RELN: variants seen among roughly 807,000 people sequenced by gnomAD.
RELN encodes the protein reelin.
Under a neutral mutation model 427.6 loss-of-function variants are expected in RELN, and 108 were observed. That is an observed-to-expected ratio of 0.25 (90% CI 0.22 to 0.30). The LOEUF is 0.30. Among genes scored for constraint, RELN ranks in the 10% least tolerant of loss-of-function variants. The pLI, the probability that RELN is intolerant of heterozygous loss-of-function variation, is 1.00. For missense variants in RELN, 3,715 were observed against 4,302.8 expected, an observed-to-expected ratio of 0.86 and a Z score of 3.82; for synonymous variants, 1,524 against 1,513.4, an observed-to-expected ratio of 1.01 and a Z score of -0.16.
chr7:103,478,771 A>G (rs1362131937), intron 63 of RELN, among the ~76,000 whole-genome samples: 1 of 152,188 alleles, frequency 6.6e-6, no homozygotes, highest in African/African-American at 2.4e-5. Flanking sequence ...ATTCCTGAAT[A>G]TATTAAGGAA....
At chr7:103,514,741 C>A (rs1374403516) in intron 50 of RELN, among the ~76,000 whole-genome samples, 1 of 152,156 alleles carries the variant, frequency 6.6e-6, no homozygotes, top group African/African-American at 2.4e-5. Context: ...GGGTAACAAG[C>A]AAGACCTGGG....
intron 36 of RELN, among the ~76,000 whole-genome samples, chr7:103,559,318 A>G (rs952202367): frequency 6.6e-6 from 1 of 152,194 alleles, no homozygotes; most frequent in Non-Finnish European, 1.5e-5. Flanking sequence ...CCAAATGTAG[A>G]ATTTGAGAAT....
intron 2 of RELN, among the ~76,000 whole-genome samples, chr7:103,888,558 C>G (rs1015286477): frequency 5.3e-5 from 8 of 152,150 alleles, no homozygotes; most frequent in African/African-American, 1.9e-4. Context: ...TTCTAAGGAC[C>G]ATTTATTTAG....
In RELN at chr7:103,490,824, T is replaced by C. The variant is rs748922033; in HGVS notation, c.9449A>G (p.Asp3150Gly). The stretch of plus-strand genomic sequence containing the variant: ...CTGGGTCTGTACGAGCTGCCAGGAA[T>C]CCGATCTGCAGAAACCAAAAGGCTT... ...MLEYTKDARS[D>G]SWQLVQTQCL... Residue 3150 changes from aspartate (D) to glycine (G), a missense_variant, in exon 59 of 65, where the codon GAT (aspartate) becomes GGT (glycine). Asp to Gly is a moderately conservative substitution (Grantham distance 94). Around this residue, in one of 4 missense-constraint regions of RELN, gnomAD observed 1,310 missense variants for 1,643.0 expected, o/e 0.80. Coordinates refer to ENST00000428762, the MANE Select transcript of RELN (RefSeq NM_005045.4). The C allele has an allele frequency of 6.2e-7, 1 of 1,614,156 alleles. No individual in the cohort carries two copies.
chr7:103,590,480 A>T (rs1831384473), intron 27 of RELN, among the ~76,000 whole-genome samples: 1 of 152,014 alleles, frequency 6.6e-6, no homozygotes, highest in African/African-American at 2.4e-5. Flanking sequence ...GAATTGCTTG[A>T]ACCTGGGAGG....
At chr7:103,756,800 T>C (rs1179540260) in intron 4 of RELN, among the ~76,000 whole-genome samples, 1 of 152,214 alleles carries the variant, frequency 6.6e-6, no homozygotes, top group Admixed American at 6.5e-5. Context: ...CTGAGATAAC[T>C]AAACATTATT....
intron 11 of RELN, among the ~76,000 whole-genome samples, chr7:103,668,451 A>C (rs189046871): frequency 2.5e-3 from 384 of 152,270 alleles, no homozygotes; most frequent in Admixed American, 6.9e-3. Flanking sequence ...TGGGACACAC[A>C]AGGGTAAGTG....
intron 2 of RELN, among the ~76,000 whole-genome samples, chr7:103,885,221 C>G (rs967448426): frequency 7.9e-5 from 12 of 152,026 alleles, no homozygotes; most frequent in African/African-American, 2.9e-4. Context: ...TGCCTGTAGT[C>G]CCAGCTACTT....
intron 16 of RELN, among the ~76,000 whole-genome samples, chr7:103,648,487 T>C (rs980520777): frequency 4.0e-4 from 61 of 152,162 alleles, no homozygotes; most frequent in African/African-American, 1.4e-3. Flanking sequence ...AATGGATTAA[T>C]ATAGAAAATC....
chr7:103,958,216 G>A (rs1251023130), intron 1 of RELN, among the ~76,000 whole-genome samples: 1 of 152,134 alleles, frequency 6.6e-6, no homozygotes, highest in Admixed American at 6.5e-5. Context: ...CCCTTTCCTG[G>A]CAACATATGG....
chr7:103,895,983 A>G (rs1312006782), intron 2 of RELN, among the ~76,000 whole-genome samples: 1 of 152,118 alleles, frequency 6.6e-6, no homozygotes, highest in Non-Finnish European at 1.5e-5. Context: ...ACAAACTACT[A>G]TTACTCAATA....
At chr7:103,775,862 A>G (rs1791725140) in intron 4 of RELN, among the ~76,000 whole-genome samples, 1 of 152,212 alleles carries the variant, frequency 6.6e-6, no homozygotes, top group Non-Finnish European at 1.5e-5. Flanking sequence ...TGAGAAGCTC[A>G]GTCTCTCTAG....
chr7:103,848,436 GC>G (rs1793733684), intron 2 of RELN, among the ~76,000 whole-genome samples: 1 of 152,174 alleles, frequency 6.6e-6, no homozygotes, highest in African/African-American at 2.4e-5. Context: ...GTGTTGCCCA[GC>G]AAAGAGTCAT....
rs779942561 is a variant in RELN at position 103,482,830 on chromosome 7, C to T, written c.10280+43G>A. On this transcript the variant is annotated intron_variant, in intron 63 of 64. Transcript: ENST00000428762. ...CATGCTATATCAAAGGAATTTCAAA[C>T]CTTCCTGAAATGGACATGGGATGCC... 51 of 1,613,774 alleles carry T rather than the reference C, an allele frequency of 3.2e-5. No homozygotes were observed. In the Admixed American group the frequency reaches 8.5e-4, roughly 27 times the overall value.
intron 19 of RELN, among the ~76,000 whole-genome samples, chr7:103,634,395 T>C (rs1342134465): frequency 1.3e-5 from 2 of 152,202 alleles, no homozygotes; most frequent in Non-Finnish European, 2.9e-5. Context: ...TCCCTTGATA[T>C]TTTTAAAGGA....
intron 3 of RELN, among the ~76,000 whole-genome samples, chr7:103,821,745 G>A (rs1161830066): frequency 6.6e-6 from 1 of 152,086 alleles, no homozygotes; most frequent in African/African-American, 2.4e-5. Flanking sequence ...GGTTGATTAA[G>A]GGACCTACCA....
At chr7:103,602,603 TTC>T (rs772616744) in intron 24 of RELN, among the ~76,000 whole-genome samples, 1 of 152,100 alleles carries the variant, frequency 6.6e-6, no homozygotes, top group Non-Finnish European at 1.5e-5. Context: ...ACACCACATG[TTC>T]TCACTCATAA....
At chr7:103,685,898 C>T (rs1187609151) in intron 10 of RELN, among the ~76,000 whole-genome samples, 1 of 152,126 alleles carries the variant, frequency 6.6e-6, no homozygotes, top group East Asian at 1.9e-4. Context: ...AAGTCCTTGG[C>T]CACAACTCAG....
Position 103,486,426 on chromosome 7 carries a change from A to C in RELN, c.9764-10T>G. 1 of 1,606,110 alleles carries C rather than the reference A, an allele frequency of 6.2e-7. No individual in the cohort carries two copies. Among genetic ancestry groups the C allele is most frequent in the Non-Finnish European group, 8.5e-7 (1 of 1,172,748 alleles). On this transcript the variant is annotated splice_polypyrimidine_tract_variant and intron_variant, in intron 60 of 64. Coordinates refer to ENST00000428762, the MANE Select transcript of RELN (RefSeq NM_005045.4). ...ACAGAGCAGTCATCACCTAGAGGACAAGGAGCAGTCACAGAAATTAAGTGG... is the reference window on the plus strand; with the variant it reads ...ACAGAGCAGTCATCACCTAGAGGACCAGGAGCAGTCACAGAAATTAAGTGG...
Sources: allele counts gnomAD v4.1 joint callset (sites outside exome capture counted in the v4.1 genomes callset), GRCh38; gene constraint gnomAD v4.1.1; regional missense constraint gnomAD v4.1.1; transcripts MANE v1.5; gene names NCBI Gene and HGNC (gene_info 2026-07-23, HGNC 2026-07-21).